KCNS3: variants seen among roughly 807,000 people sequenced by gnomAD.
KCNS3 encodes delayed-rectifier potassium channel regulatory subunit KCNS3.
In KCNS3, 13 loss-of-function variants were observed where a neutral mutation model predicts 31.0. The observed-to-expected ratio is 0.42, with a 90% CI of 0.27 to 0.67. The LOEUF (loss-of-function observed/expected upper bound fraction) is 0.67. Ranked by LOEUF, KCNS3 falls within the 30% of genes least tolerant of loss-of-function variation. The probability of loss-of-function intolerance (pLI) is 0.25; values close to 1 mark genes in which losing one functional copy is unlikely to be tolerated. For missense variants in KCNS3, 545 were observed against 622.4 expected (o/e 0.88, Z 1.32); for synonymous variants, 238 against 241.5 (o/e 0.99, Z 0.13).
intron 2 of KCNS3, among the ~76,000 whole-genome samples, chr2:17,918,263 C>T (rs114088617): frequency 0.043 from 6,589 of 152,266 alleles, 143 homozygotes; most frequent in African/African-American, 0.057. Flanking sequence ...AGGTCACAGA[C>T]TGGGTAGCTC....
chr2:17,912,655 G>C (rs1389918638), intron 1 of KCNS3, among the ~76,000 whole-genome samples: 1 of 152,310 alleles, frequency 6.6e-6, no homozygotes, highest in South Asian at 2.1e-4. Flanking sequence ...TTCCCCAGGG[G>C]GAGGTTGTCT....
intron 1 of KCNS3, among the ~76,000 whole-genome samples, chr2:17,881,966 G>A (rs1674654415): frequency 6.6e-6 from 1 of 152,182 alleles, no homozygotes; most frequent in Admixed American, 6.5e-5. Context: ...AAGATCATGG[G>A]CCAGGGAAAC....
intron 2 of KCNS3, among the ~76,000 whole-genome samples, chr2:17,921,629 A>C (rs1662704929): frequency 6.6e-6 from 1 of 152,060 alleles, no homozygotes. Context: ...ATCATGGCAG[A>C]AGGCAAAGGG....
At chr2:17,901,198 C>T (rs1024994120) in intron 1 of KCNS3, among the ~76,000 whole-genome samples, 6 of 152,030 alleles carry the variant, frequency 3.9e-5, no homozygotes, top group African/African-American at 1.5e-4. Context: ...GTAACTTCAG[C>T]TTAGTGTGAA....
At chr2:17,900,398 T>C (rs1281358275) in intron 1 of KCNS3, among the ~76,000 whole-genome samples, 1 of 152,090 alleles carries the variant, frequency 6.6e-6, no homozygotes, top group Non-Finnish European at 1.5e-5. Context: ...GAGAATATGA[T>C]AGAGCTGAGT....
At chr2:17,896,145 C>T (rs1463159159) in intron 1 of KCNS3, among the ~76,000 whole-genome samples, 2 of 152,170 alleles carry the variant, frequency 1.3e-5, no homozygotes, top group Non-Finnish European at 2.9e-5. Context: ...TGGGCTCAGG[C>T]GATCCTCCCA....
chr2:17,895,270 G>A (rs886165126), intron 1 of KCNS3, among the ~76,000 whole-genome samples: 12 of 152,038 alleles, frequency 7.9e-5, no homozygotes, highest in African/African-American at 2.9e-4. Context: ...TACAGCAATA[G>A]ACACTTCGCC....
chr2:17,887,021 G>T (rs541982803), intron 1 of KCNS3, among the ~76,000 whole-genome samples: 1 of 152,254 alleles, frequency 6.6e-6, no homozygotes, highest in East Asian at 1.9e-4. Context: ...GATGAGAACC[G>T]AATTTTCTTC....
rs370132719 is a variant in KCNS3, at chr2:17,924,304, GAAGTAGGTT to G, written c.-60+6436_-60+6444del. ...TACAAGATCATGTCATCTGCAAATA[GAAGTAGGTT>G]AACTTTTCCTTTTCAGTCTGGATGC... On this transcript the variant is annotated intron_variant, in intron 2 of 2. Coordinates refer to ENST00000304101, the MANE Select transcript of KCNS3 (RefSeq NM_002252.5). Among the ~76,000 whole-genome samples the G allele has an allele frequency of 1.7e-4, 26 of 151,950 alleles. 1 individual carries two copies. Among genetic ancestry groups the G allele is most frequent in the African/African-American group, 6.3e-4 (26 of 41,488 alleles).
chr2:17,898,574 T>G lies in KCNS3; in HGVS notation c.-251-19106T>G, dbSNP rs181910916. On this transcript the variant is annotated intron_variant, in intron 1 of 2. Transcript: ENST00000304101. ...TTTGTTTGAGTTAGCTGCAACCAGTTGCTGCTGCTTGTGTCCAAAGAACCC... is the reference window on the plus strand; with the variant it reads ...TTTGTTTGAGTTAGCTGCAACCAGTGGCTGCTGCTTGTGTCCAAAGAACCC... Among the ~76,000 whole-genome samples, 452 of 152,244 alleles carry G rather than the reference T, an allele frequency of 3.0e-3. 6 individuals carry two copies. The highest frequency in any genetic ancestry group is 1.0e-2 in the African/African-American group (415 of 41,544).
At chr2:17,928,578 G>T (rs565896369) in intron 2 of KCNS3, among the ~76,000 whole-genome samples, 1 of 151,890 alleles carries the variant, frequency 6.6e-6, no homozygotes, top group East Asian at 1.9e-4. Context: ...TGTCAATTTC[G>T]TTGATTGTTT....
intron 1 of KCNS3, among the ~76,000 whole-genome samples, chr2:17,897,652 T>C (rs1230033128): frequency 1.3e-5 from 2 of 152,196 alleles, no homozygotes; most frequent in African/African-American, 4.8e-5. Flanking sequence ...CAATTTAAAT[T>C]TCTTATAGAT....
intron 1 of KCNS3, among the ~76,000 whole-genome samples, chr2:17,885,055 T>C (rs980684199): frequency 6.6e-6 from 1 of 152,022 alleles, no homozygotes; most frequent in Non-Finnish European, 1.5e-5. Context: ...TTTTTATAAA[T>C]TGAATTAGCA....
intron 2 of KCNS3, among the ~76,000 whole-genome samples, chr2:17,921,915 G>GTATATATA (rs56064218): frequency 0.011 from 346 of 32,532 alleles, 6 homozygotes; most frequent in African/African-American, 0.013. Context: ...GTGTGTGTGT[G>GTATATATA]TATATATATA....
chr2:17,878,392 G>T (rs1472312435), upstream of KCNS3, among the ~76,000 whole-genome samples: 2 of 151,966 alleles, frequency 1.3e-5, no homozygotes, highest in Non-Finnish European at 2.9e-5. Flanking sequence ...CCGCTCCGGG[G>T]TGACTCTGCA....
At chr2:17,903,661 A>G (rs1440571188) in intron 1 of KCNS3, among the ~76,000 whole-genome samples, 2 of 150,974 alleles carry the variant, frequency 1.3e-5, no homozygotes. Context: ...CCTATGTCCA[A>G]GTGTTCTCAT....
chr2:17,884,142 A>G (rs938915765), intron 1 of KCNS3, among the ~76,000 whole-genome samples: 2 of 147,318 alleles, frequency 1.4e-5, no homozygotes, highest in Admixed American at 6.8e-5. Context: ...GCATTAGGAG[A>G]TATACCTAAT....
chr2:17,884,268 A>AAAAATAT (rs1459540269), intron 1 of KCNS3, among the ~76,000 whole-genome samples: 3 of 46,678 alleles, frequency 6.4e-5, no homozygotes, highest in African/African-American at 2.3e-4. Context: ...AAAAAAAAAA[A>AAAAATAT]ATATATATAT....
chr2:17,929,500 C>A (rs1283170937), intron 2 of KCNS3, among the ~76,000 whole-genome samples: 1 of 152,168 alleles, frequency 6.6e-6, no homozygotes, highest in Non-Finnish European at 1.5e-5. Flanking sequence ...TTAGAAACCA[C>A]CCCCATGATC....
Sources: gnomAD v4.1 joint callset for allele counts (sites outside exome capture counted in the v4.1 genomes callset) on GRCh38, gnomAD v4.1.1 for gene constraint, MANE v1.5 for transcripts, NCBI Gene and HGNC (gene_info 2026-07-23, HGNC 2026-07-21) for gene names.